CDK18: variants seen among roughly 807,000 people sequenced by gnomAD.
The protein encoded by CDK18 is cyclin dependent kinase 18.
In CDK18, 52 loss-of-function variants were observed where a neutral mutation model predicts 62.0. That is an observed-to-expected ratio of 0.84 (90% CI 0.67 to 1.06). The LOEUF is 1.06. Among genes scored for constraint, CDK18 ranks in the 50% least tolerant of loss-of-function variants. The pLI is 0.00. For missense variants in CDK18, 604 were observed against 619.9 expected, an observed-to-expected ratio of 0.97 and a Z score of 0.27; for synonymous variants, 237 against 247.0, an observed-to-expected ratio of 0.96 and a Z score of 0.38.
At chr1:205,508,738 G>A (rs1196523556) in intron 1 of CDK18, among the ~76,000 whole-genome samples, 2 of 152,222 alleles carry the variant, frequency 1.3e-5, no homozygotes, top group Non-Finnish European at 2.9e-5. Flanking sequence ...CAGCTACTCG[G>A]GAGGCTGAGA....
Position 205,517,222 on chromosome 1 carries a change from G to A in CDK18, c.-21-5925G>A, listed in dbSNP as rs989466721. ...CTGCCTTGCACGGGCCCCACCCTGC[G>A]TGGCCCTGCAGTTGTCTAAGTAGGG... On this transcript the variant is annotated intron_variant, in intron 1 of 15. Transcript: ENST00000429964. The surrounding 1 kb of genome is among the most constrained non-coding windows in gnomAD (Gnocchi z 4.1). 1.1e-4 allele frequency among the ~76,000 whole-genome samples: 17 copies of A among 152,160 alleles called. No homozygotes were observed. Among genetic ancestry groups the A allele is most frequent in the South Asian group, 4.1e-4 (2 of 4,828 alleles).
chr1:205,523,284 C>G lies in CDK18; in HGVS notation c.117C>G (p.Asn39Lys), dbSNP rs1010453469. ...EFTEQFNQLHNRRNENLQLGP... is the reference protein window; with the variant it reads ...EFTEQFNQLHKRRNENLQLGP... The stretch of plus-strand genomic sequence containing the variant: ...CGGAGCAATTCAACCAGCTCCACAA[C>G]CGGCGGAATGAGAGTGAGGGGTCTG... Residue 39 changes from asparagine (N) to lysine (K), a missense_variant, in exon 2 of 16, where the codon AAC becomes AAG. Coordinates refer to ENST00000429964, the MANE Select transcript of CDK18 (RefSeq NM_212502.3). The G allele has an allele frequency of 1.2e-6, 2 of 1,614,170 alleles. No homozygotes were observed. Among genetic ancestry groups the G allele is most frequent in the Non-Finnish European group, 8.5e-7 (1 of 1,180,028 alleles).
intron 1 of CDK18, among the ~76,000 whole-genome samples, chr1:205,513,766 C>A (rs541922198): frequency 6.6e-6 from 1 of 152,216 alleles, no homozygotes; most frequent in Non-Finnish European, 1.5e-5. Context: ...GGCCCTAGCT[C>A]AATGCATGTT....
chr1:205,528,995 G>T lies in CDK18; in HGVS notation c.975-4G>T. 1 of 1,571,106 alleles carries T rather than the reference G, an allele frequency of 6.4e-7. No individual in the cohort carries two copies. The highest frequency in any genetic ancestry group is 2.3e-5 in the East Asian group (1 of 43,010). On this transcript the variant is annotated splice_region_variant and splice_polypyrimidine_tract_variant and intron_variant, in intron 10 of 15. Transcript: ENST00000429964. This position sits in a 1 kb window ranked among gnomAD's most constrained non-coding sequence, Gnocchi z 4.2. The stretch of plus-strand genomic sequence containing the variant: ...ATGCCGACCCTACCCCTTGCTCCTC[G>T]CAGGGGCGTGGGCTGCATCCACTAC...
In CDK18 at chr1:205,517,970, C is replaced by A. The variant is rs1177772840; in HGVS notation, c.-21-5177C>A. ...TCCGCACTCCCATCCAGCATCTTCTCCAGCCACATCATTGTCCTGCAGTGA... is the reference window on the plus strand; with the variant it reads ...TCCGCACTCCCATCCAGCATCTTCTACAGCCACATCATTGTCCTGCAGTGA... On this transcript the variant is annotated intron_variant, in intron 1 of 15. Coordinates refer to ENST00000429964, the MANE Select transcript of CDK18 (RefSeq NM_212502.3). This position sits in a 1 kb window ranked among gnomAD's most constrained non-coding sequence, Gnocchi z 4.1. Among the ~76,000 whole-genome samples the A allele has an allele frequency of 6.6e-6, 1 of 152,192 alleles. No individual in the cohort carries two copies. The highest frequency in any genetic ancestry group is 1.5e-5 in the Non-Finnish European group (1 of 68,040).
At chr1:205,530,073 C>A (rs1668660124) in intron 13 of CDK18, 186 bp from the exon 14 acceptor site, 1 of 1,430,060 alleles carries the variant, frequency 7.0e-7, no homozygotes, top group Non-Finnish European at 9.1e-7. Context: ...GACCGAGGAG[C>A]CTTCCCCTGA....
rs1668620275 is a variant in CDK18 at position 205,529,398 on chromosome 1, C to T, written c.1147C>T (p.Leu383Phe). ...EFRTYSFPCY[L>F]PQPLINHAPR... is the part of the protein sequence containing the mutation. ...CCGCACCTACAGCTTCCCCTGCTAC[C>T]TCCCGCAGCCGCTCATCAACCACGC... The change falls in exon 12 of 16, where the codon CTC becomes TTC. Residue 383 changes from leucine to phenylalanine, a missense_variant. Leu to Phe is a conservative substitution (Grantham distance 22, BLOSUM62 0). Coordinates refer to ENST00000429964, the MANE Select transcript of CDK18 (RefSeq NM_212502.3). 2 of 1,614,066 alleles carry T rather than the reference C, an allele frequency of 1.2e-6. No homozygotes were observed. Among genetic ancestry groups the T allele is most frequent in the South Asian group, 1.1e-5 (1 of 91,078 alleles).
intron 1 of CDK18, among the ~76,000 whole-genome samples, chr1:205,505,965 C>A (rs1667286380): frequency 6.6e-6 from 1 of 152,218 alleles, no homozygotes; most frequent in African/African-American, 2.4e-5. Context: ...ACTAACACCA[C>A]CGGCTTGCCC....
chr1:205,509,409 T>C (rs962699503), intron 1 of CDK18, among the ~76,000 whole-genome samples: 9 of 152,170 alleles, frequency 5.9e-5, no homozygotes, highest in African/African-American at 2.2e-4. Context: ...ATTATTTATA[T>C]GTTGAGTGTA....
chr1:205,530,438 A>G, intron 14 of CDK18, 89 bp downstream of exon 14: 2 of 1,415,656 alleles, frequency 1.4e-6, no homozygotes, highest in Non-Finnish European at 2.0e-6. Context: ...CAAAGAGGCC[A>G]GAGGCCCCAG....
intron 1 of CDK18, among the ~76,000 whole-genome samples, chr1:205,519,498 T>C (rs1391165161): frequency 1.3e-5 from 2 of 150,886 alleles, no homozygotes; most frequent in East Asian, 3.9e-4. Flanking sequence ...CTGACCTCCA[T>C]CCTTCCATCA....
At chr1:205,521,510 G>A (rs1472974377) in intron 1 of CDK18, among the ~76,000 whole-genome samples, 6 of 152,200 alleles carry the variant, frequency 3.9e-5, no homozygotes, top group Admixed American at 6.5e-5. Context: ...CACCATGCCC[G>A]GCCAGTTCAT....
At chr1:205,505,380 C>G (rs1269712578) in intron 1 of CDK18, among the ~76,000 whole-genome samples, 2 of 152,112 alleles carry the variant, frequency 1.3e-5, no homozygotes, top group African/African-American at 2.4e-5. Context: ...TGAAGCCCTG[C>G]AGGTCCCAGT....
At chr1:205,511,252 A>G (rs1667553828) in intron 1 of CDK18, among the ~76,000 whole-genome samples, 2 of 152,268 alleles carry the variant, frequency 1.3e-5, no homozygotes, top group African/African-American at 2.4e-5. Flanking sequence ...TAGTGTTCAT[A>G]GTAAAGTTTT....
chr1:205,525,439 T>G (rs1024137899), intron 5 of CDK18, among the ~76,000 whole-genome samples: 1 of 151,926 alleles, frequency 6.6e-6, no homozygotes, highest in African/African-American at 2.4e-5. Flanking sequence ...CAGAATCCAG[T>G]CTTTTTTTTT....
chr1:205,529,349 C>T lies in CDK18; in HGVS notation c.1098C>T (p.Pro366=), dbSNP rs867199923. ...LLGTPTEETW[P]GVTAFSEFRT... ...GGACCCCCACAGAAGAGACGTGGCC[C>T]GGCGTGACCGCCTTCTCTGAGTTCC... The change falls in exon 12 of 16, where the codon CCC becomes CCT. Residue 366 remains proline (P), a synonymous_variant. Coordinates refer to ENST00000429964, the MANE Select transcript of CDK18 (RefSeq NM_212502.3). 5.6e-6 allele frequency: 9 copies of T among 1,613,958 alleles called. No homozygotes were observed. Among genetic ancestry groups the T allele is most frequent in the African/African-American group, 4.0e-5 (3 of 75,054 alleles).
At chr1:205,509,872 G>A (rs936000783) in intron 1 of CDK18, among the ~76,000 whole-genome samples, 1 of 152,100 alleles carries the variant, frequency 6.6e-6, no homozygotes, top group Non-Finnish European at 1.5e-5. Flanking sequence ...CTGAGGTCAG[G>A]AGTTCAAGAC....
intron 3 of CDK18, 127 bp from the exon 4 acceptor site, chr1:205,524,105 C>A: frequency 9.0e-7 from 1 of 1,113,020 alleles, no homozygotes; most frequent in Non-Finnish European, 1.3e-6. Context: ...GGGGTCACAG[C>A]CTGTGATTGG....
intron 1 of CDK18, among the ~76,000 whole-genome samples, chr1:205,509,097 C>T (rs547128759): frequency 1.3e-5 from 2 of 152,012 alleles, no homozygotes; most frequent in African/African-American, 2.4e-5. Flanking sequence ...TGCAGTGAGC[C>T]GAGGTCGCAC....
Sources: allele counts gnomAD v4.1 joint callset (sites outside exome capture counted in the v4.1 genomes callset), GRCh38; gene constraint gnomAD v4.1.1; non-coding constraint Gnocchi (gnomAD v3.1); transcripts MANE v1.5; gene names NCBI Gene and HGNC (gene_info 2026-07-23, HGNC 2026-07-21).